EHD1: variants seen among roughly 807,000 people sequenced by gnomAD.
EHD1 encodes EH domain-containing protein 1.
In EHD1, 19 loss-of-function variants were observed where a neutral mutation model predicts 39.0. The observed-to-expected ratio is 0.49, with a 90% CI of 0.34 to 0.72. EHD1 has a LOEUF of 0.72. Ranked by LOEUF, EHD1 falls within the 30% of genes least tolerant of loss-of-function variation. The probability of loss-of-function intolerance (pLI) is 0.01; values close to 1 mark genes in which losing one functional copy is unlikely to be tolerated. For missense variants in EHD1, 542 were observed against 751.5 expected (o/e 0.72, Z 3.26); for synonymous variants, 323 against 331.2 (o/e 0.98, Z 0.27).
chr11:64,869,229 C>T (rs1224987618), intron 2 of EHD1, among the ~76,000 whole-genome samples: 1 of 152,260 alleles, frequency 6.6e-6, no homozygotes, highest in African/African-American at 2.4e-5. Context: ...TGAGCGCGGG[C>T]AGCGCCTGGT....
rs1943623625 is a variant in EHD1 at position 64,854,524 on chromosome 11, C to T, written c.1414G>A (p.Val472Met). The T allele has an allele frequency of 6.2e-7, 1 of 1,614,078 alleles. No homozygotes were observed. The highest frequency in any genetic ancestry group is 8.5e-7 in the Non-Finnish European group (1 of 1,180,022). ...ACGGTGTTGGGGAGCTTGGACTTCA[C>T]CATCTCCTTCTTGGCGTTGGCGCCC... ...ITGANAKKEM[V>M]KSKLPNTVLG... is the part of the protein sequence containing the mutation. The change falls in exon 5 of 5, where the codon GTG becomes ATG. Residue 472 changes from valine (V) to methionine (M), a missense_variant. Physicochemically the swap from Val to Met is conservative, Grantham distance 21 (BLOSUM62 1). Coordinates refer to ENST00000320631, the MANE Select transcript of EHD1 (RefSeq NM_006795.4).
rs927442035 is a variant in EHD1 at position 64,868,015 on chromosome 11, C to T, written c.502+6406G>A. Among the ~76,000 whole-genome samples the T allele has an allele frequency of 2.0e-5, 3 of 152,210 alleles. No homozygotes were observed. Among genetic ancestry groups the T allele is most frequent in the African/African-American group, 7.2e-5 (3 of 41,454 alleles). Reference sequence around the variant, plus strand: ...TCTGCCTTCCTGAGAACAGCTGGACCATGTTTCCCGCCAGCACAGAAGGGG... The same window carrying T: ...TCTGCCTTCCTGAGAACAGCTGGACTATGTTTCCCGCCAGCACAGAAGGGG... On this transcript the variant is annotated intron_variant, in intron 2 of 4. Transcript: ENST00000320631. The surrounding 1 kb of genome is among the most constrained non-coding windows in gnomAD (Gnocchi z 4.2).
intron 1 of EHD1, among the ~76,000 whole-genome samples, chr11:64,877,151 A>G (rs146666144): frequency 2.6e-5 from 4 of 152,254 alleles, no homozygotes; most frequent in East Asian, 1.9e-4. Context: ...GTACTTTGGT[A>G]TGTCGCCTGG....
At chr11:64,879,551 C>T (rs997374499), upstream of EHD1, 7 of 1,546,564 alleles carry the variant, frequency 4.5e-6, no homozygotes, top group African/African-American at 1.4e-5. Context: ...CTTCCACTTT[C>T]CTCTCGGGGT....
chr11:64,856,219 G>A lies in EHD1; in HGVS notation c.916-733C>T, dbSNP rs1199070414. The stretch of plus-strand genomic sequence containing the variant: ...GTTTCTCTGCAAGCCCCCTTCCCCC[G>A]AGCTGCCCCCTCCCACGCAGCAGAG... On this transcript the variant is annotated intron_variant, in intron 3 of 4. Coordinates refer to ENST00000320631, the MANE Select transcript of EHD1 (RefSeq NM_006795.4). The A allele has an allele frequency of 4.6e-5, 7 of 153,278 alleles. No individual in the cohort carries two copies. In the South Asian group the frequency reaches 7.5e-4, roughly 17 times the overall value. The allele number at this position is 153,278 out of a possible 1,614,324, so 9.5% of individuals were successfully genotyped here. A position where few individuals can be genotyped will look rare whatever the true frequency, so the allele number is the denominator to read the frequency against.
intron 2 of EHD1, among the ~76,000 whole-genome samples, chr11:64,863,790 T>G (rs1943740371): frequency 6.9e-6 from 1 of 145,344 alleles, no homozygotes; most frequent in South Asian, 2.1e-4. Flanking sequence ...TGCCACTGAC[T>G]CTGTGACCTG....
chr11:64,860,440 T>A, intron 2 of EHD1, 104 bp from the exon 3 acceptor site: 1 of 1,429,016 alleles, frequency 7.0e-7, no homozygotes, highest in African/African-American at 1.4e-5. Flanking sequence ...AGATAGTTTT[T>A]AAAATTCCTA....
Position 64,859,959 on chromosome 11 carries a change from G to A in EHD1, c.880C>T (p.Leu294Phe). ...CGTGCCCGCTTGATCAGGTCATTGA[G>A]CTTCCTGAGGGCGGCGTTTCGGGGC... ...SLPRNAALRKLNDLIKRARLA... is the reference protein window; with the variant it reads ...SLPRNAALRKFNDLIKRARLA... Residue 294 changes from leucine to phenylalanine, a missense_variant, in exon 3 of 5, where the codon CTC (leucine) becomes TTC (phenylalanine). Transcript: ENST00000320631. The A allele has an allele frequency of 2.5e-6, 4 of 1,613,730 alleles. No individual in the cohort carries two copies. The highest frequency in any genetic ancestry group is 3.4e-6 in the Non-Finnish European group (4 of 1,179,986).
intron 2 of EHD1, among the ~76,000 whole-genome samples, chr11:64,865,550 C>A (rs751428411): frequency 1.3e-5 from 2 of 152,178 alleles, no homozygotes; most frequent in African/African-American, 4.8e-5. Context: ...ATGGCCCAAG[C>A]GGGTGGGCTG....
intron 1 of EHD1, among the ~76,000 whole-genome samples, chr11:64,876,222 G>A (rs976573982): frequency 6.6e-6 from 1 of 152,230 alleles, no homozygotes; most frequent in Non-Finnish European, 1.5e-5. Context: ...CATAGGGGGA[G>A]AAGGCCGGCA....
At chr11:64,876,411 G>C (rs1943886128) in intron 1 of EHD1, among the ~76,000 whole-genome samples, 1 of 152,258 alleles carries the variant, frequency 6.6e-6, no homozygotes, top group South Asian at 2.1e-4. Context: ...GGCCATCAGT[G>C]ATCAGGGATC....
Position 64,868,988 on chromosome 11 carries a change from C to T in EHD1, c.502+5433G>A, listed in dbSNP as rs1015067372. 4.6e-5 allele frequency among the ~76,000 whole-genome samples: 7 copies of T among 152,148 alleles called. No individual in the cohort carries two copies. The highest frequency in any genetic ancestry group is 1.7e-4 in the African/African-American group (7 of 41,426). ...AGTAGGTTTCCAGCTTGGAGGGCCG[C>T]GGGAGGATGGAGTGAGCCTGGCACA... On this transcript the variant is annotated intron_variant, in intron 2 of 4. Transcript: ENST00000320631. The surrounding 1 kb of genome is among the most constrained non-coding windows in gnomAD (Gnocchi z 4.2).
At chr11:64,878,940 C>T (rs1481559267), upstream of EHD1, 5 of 1,012,448 alleles carry the variant, frequency 4.9e-6, no homozygotes, top group Non-Finnish European at 5.9e-6. Context: ...CGCCTTCCGG[C>T]ACCGTGGCCC....
At chr11:64,875,552 C>T (rs1025017753) in intron 1 of EHD1, 1 of 149,076 alleles carries the variant, frequency 6.7e-6, no homozygotes. Context: ...GACTCTGTCT[C>T]AAAAAAACAA....
intron 2 of EHD1, among the ~76,000 whole-genome samples, chr11:64,861,327 C>G (rs943421925): frequency 6.6e-6 from 1 of 152,174 alleles, no homozygotes; most frequent in Admixed American, 6.5e-5. Context: ...ATGCAAAGGT[C>G]GTCCCACAGT....
chr11:64,855,127 G>A, intron 4 of EHD1, 195 bp downstream of exon 4: 1 of 978,120 alleles, frequency 1.0e-6, no homozygotes, highest in Non-Finnish European at 1.5e-6. Flanking sequence ...CGCAGGGTGA[G>A]TCACCACATT....
intron 2 of EHD1, among the ~76,000 whole-genome samples, chr11:64,865,192 G>A (rs1268710057): frequency 1.3e-5 from 2 of 152,272 alleles, no homozygotes; most frequent in Non-Finnish European, 1.5e-5. Context: ...CCTGTGCCAT[G>A]CAGGCAGTGA....
At chr11:64,877,952 G>A in intron 1 of EHD1, 109 bp downstream of exon 1, 2 of 1,190,484 alleles carry the variant, frequency 1.7e-6, no homozygotes, top group Non-Finnish European at 2.2e-6. Context: ...GGTCTCACTG[G>A]GGCCTCGGAG....
Position 64,853,554 on chromosome 11 carries a change from G to A in EHD1, c.*779C>T, listed in dbSNP as rs1445108202. On this transcript the variant is annotated 3_prime_UTR_variant, in exon 5 of 5. Coordinates refer to ENST00000320631, the MANE Select transcript of EHD1 (RefSeq NM_006795.4). ...CCTTGGCTGGAGGGTGGGAAGGGGAGACAAAAATCACAGCTTTTGAACAGT... is the reference window on the plus strand; with the variant it reads ...CCTTGGCTGGAGGGTGGGAAGGGGAAACAAAAATCACAGCTTTTGAACAGT... The A allele has an allele frequency of 6.5e-6, 1 of 152,676 alleles. No individual in the cohort carries two copies. The highest frequency in any genetic ancestry group is 1.5e-5 in the Non-Finnish European group (1 of 68,100). The allele number at this position is 152,676 out of a possible 1,614,324, so 9.5% of individuals were successfully genotyped here.
Sources: allele counts gnomAD v4.1 joint callset (sites outside exome capture counted in the v4.1 genomes callset), GRCh38; gene constraint gnomAD v4.1.1; non-coding constraint Gnocchi (gnomAD v3.1); transcripts MANE v1.5; gene names NCBI Gene and HGNC (gene_info 2026-07-23, HGNC 2026-07-21).